Variants in RALY observed in about 807,000 individuals in gnomAD.
RALY encodes RALY heterogeneous nuclear ribonucleoprotein, also known as RNA-binding protein Raly.
A neutral mutation model predicts 30.7 loss-of-function variants in RALY; 15 were observed. The observed-to-expected ratio is 0.49, with a 90% confidence interval of 0.33 to 0.75. RALY has a LOEUF of 0.75. Among genes scored for constraint, RALY ranks in the 30% least tolerant of loss-of-function variants. The pLI is 0.02. For missense variants in RALY, 339 were observed against 414.3 expected (o/e 0.82, Z 1.58); for synonymous variants, 177 against 170.8 (o/e 1.04, Z -0.28).
At chr20:34,043,622 C>G (rs1271118586) in intron 2 of RALY, among the ~76,000 whole-genome samples, 1 of 152,184 alleles carries the variant, frequency 6.6e-6, no homozygotes, top group African/African-American at 2.4e-5. Flanking sequence ...TCTTTCCAGT[C>G]CTTTCTCCAA....
intron 1 of RALY, among the ~76,000 whole-genome samples, chr20:34,009,056 C>T (rs976365234): frequency 2.6e-5 from 4 of 152,014 alleles, no homozygotes; most frequent in African/African-American, 9.7e-5. Flanking sequence ...TGGCATGGGG[C>T]TATGAAGGTG....
chr20:34,029,456 G>A (rs1342415994), intron 1 of RALY, among the ~76,000 whole-genome samples: 1 of 120,720 alleles, frequency 8.3e-6, no homozygotes, highest in Non-Finnish European at 1.7e-5. Flanking sequence ...AAGAAAGGAA[G>A]AAAGGAGGGA....
intron 1 of RALY, among the ~76,000 whole-genome samples, chr20:34,006,842 C>A (rs1232816045): frequency 6.6e-6 from 1 of 152,164 alleles, no homozygotes; most frequent in Non-Finnish European, 1.5e-5. Flanking sequence ...GGGATGAAAT[C>A]GCCTAATGAT....
rs2033749455 is a variant in RALY at position 34,072,315 on chromosome 20, G to T, written c.241G>T (p.Ala81Ser). The change falls in exon 3 of 10, where the codon GCC becomes TCC. Residue 81 changes from alanine to serine, a missense_variant. Coordinates refer to ENST00000246194, the MANE Select transcript of RALY (RefSeq NM_016732.3). ...GCTGGGAGAGAATGGGCGGGTGCTG[G>T]CCGGGCAGACCCTGGGTAAGCCTCT... ...AVLGENGRVL[A>S]GQTLDINMAG... 6.2e-7 allele frequency: 1 copy of T among 1,612,566 alleles called. No homozygotes were observed. The highest frequency in any genetic ancestry group is 8.5e-7 in the Non-Finnish European group (1 of 1,179,960).
At chr20:34,018,393 G>C (rs2031686952) in intron 1 of RALY, among the ~76,000 whole-genome samples, 1 of 152,304 alleles carries the variant, frequency 6.6e-6, no homozygotes, top group Admixed American at 6.5e-5. Context: ...TGGTTTGAAA[G>C]TTCGTCTGGC....
At chr20:33,998,266 C>A (rs1334625503) in intron 1 of RALY, among the ~76,000 whole-genome samples, 3 of 152,134 alleles carry the variant, frequency 2.0e-5, no homozygotes, top group Non-Finnish European at 2.9e-5. Flanking sequence ...GATGCCTAAC[C>A]CAGCATTGGA....
At chr20:34,032,210 G>T (rs2032310284) in intron 2 of RALY, among the ~76,000 whole-genome samples, 1 of 152,154 alleles carries the variant, frequency 6.6e-6, no homozygotes, top group Admixed American at 6.5e-5. Context: ...TGATCTGCCT[G>T]CCTCGGCCTT....
intron 2 of RALY, among the ~76,000 whole-genome samples, chr20:34,055,712 C>CTA (rs2033221743): frequency 6.6e-6 from 1 of 152,202 alleles, no homozygotes; most frequent in Non-Finnish European, 1.5e-5. Flanking sequence ...CATACCACAA[C>CTA]TAGCAGGGCA....
intron 3 of RALY, among the ~76,000 whole-genome samples, 170 bp downstream of exon 3, chr20:34,072,500 G>A (rs1426300586): frequency 2.0e-5 from 3 of 152,330 alleles, no homozygotes; most frequent in Middle Eastern, 3.4e-3. Context: ...TCCCTATAGG[G>A]AAGAATTTTA....
At chr20:34,053,754 C>T (rs565748399) in intron 2 of RALY, among the ~76,000 whole-genome samples, 10 of 152,244 alleles carry the variant, frequency 6.6e-5, no homozygotes, top group African/African-American at 2.4e-4. Context: ...CTTATGGTCT[C>T]CTAACTCTTT....
chr20:34,034,426 T>C (rs557731056), intron 2 of RALY, among the ~76,000 whole-genome samples: 1 of 152,362 alleles, frequency 6.6e-6, no homozygotes, highest in South Asian at 2.1e-4. Context: ...TCTAAAGTTC[T>C]ACAGCTTCTG....
intron 1 of RALY, among the ~76,000 whole-genome samples, chr20:34,006,622 T>C: frequency 6.7e-6 from 1 of 149,236 alleles, no homozygotes; most frequent in East Asian, 1.9e-4. Context: ...CTAATATGAT[T>C]GTAATACCAT....
chr20:34,076,628 C>A, intron 6 of RALY, 74 bp from the exon 7 acceptor site: 2 of 1,288,960 alleles, frequency 1.6e-6, no homozygotes, highest in Non-Finnish European at 2.2e-6. Context: ...GTTGAAAGAA[C>A]AGGGCTGAGG....
chr20:34,044,615 C>T (rs1372286381), intron 2 of RALY, among the ~76,000 whole-genome samples: 12 of 152,246 alleles, frequency 7.9e-5, no homozygotes, highest in East Asian at 1.9e-4. Flanking sequence ...GGATTACAGG[C>T]GTGAGCCACC....
At chr20:34,042,958 T>G (rs2032754299) in intron 2 of RALY, among the ~76,000 whole-genome samples, 1 of 152,242 alleles carries the variant, frequency 6.6e-6, no homozygotes, top group Non-Finnish European at 1.5e-5. Flanking sequence ...CTTCCAAATT[T>G]TGGATAATTT....
intron 7 of RALY, 29 bp downstream of exon 7, chr20:34,076,844 C>G (rs370712826): frequency 6.2e-7 from 1 of 1,609,660 alleles, no homozygotes; most frequent in Non-Finnish European, 8.5e-7. Flanking sequence ...TCACCCACCT[C>G]CATGACCAGG....
chr20:34,015,268 C>T (rs2031559501), intron 1 of RALY, among the ~76,000 whole-genome samples: 1 of 152,078 alleles, frequency 6.6e-6, no homozygotes, highest in Admixed American at 6.6e-5. Context: ...CTATTCTTTC[C>T]TTCCCTTCTT....
At chr20:34,066,560 T>C (rs990368686) in intron 2 of RALY, among the ~76,000 whole-genome samples, 10 of 152,112 alleles carry the variant, frequency 6.6e-5, no homozygotes, top group African/African-American at 1.9e-4. Context: ...GGGCCTCTTA[T>C]TTGTTTATTT....
At chr20:34,060,505 CTA>C (rs1473846863) in intron 2 of RALY, among the ~76,000 whole-genome samples, 2 of 152,222 alleles carry the variant, frequency 1.3e-5, no homozygotes, top group African/African-American at 4.8e-5. Context: ...GTGCTGGACA[CTA>C]TTCTGAATGC....
Sources: allele counts gnomAD v4.1 joint callset (sites outside exome capture counted in the v4.1 genomes callset), GRCh38; gene constraint gnomAD v4.1.1; transcripts MANE v1.5; gene names NCBI Gene and HGNC (gene_info 2026-07-23, HGNC 2026-07-21).